MARCHF3: variants seen among roughly 807,000 people sequenced by gnomAD.
MARCHF3 encodes the protein E3 ubiquitin-protein ligase MARCHF3.
A neutral mutation model predicts 24.2 loss-of-function variants in MARCHF3; 13 were observed. The observed-to-expected ratio is 0.54, with a 90% CI of 0.35 to 0.85. The LOEUF is 0.85. Ranked by LOEUF, MARCHF3 falls within the 40% of genes least tolerant of loss-of-function variation. The pLI, the probability that MARCHF3 is intolerant of heterozygous loss-of-function variation, is 0.01. For synonymous variants in MARCHF3, 144 were observed against 137.3 expected (o/e 1.05, Z -0.34); for missense variants, 276 against 325.0 (o/e 0.85, Z 1.16).
At chr5:127,012,637 C>T (rs555788183) in intron 1 of MARCHF3, among the ~76,000 whole-genome samples, 1 of 152,226 alleles carries the variant, frequency 6.6e-6, no homozygotes, top group African/African-American at 2.4e-5. Flanking sequence ...TTAGGTAAAA[C>T]TATGGGCAAA....
At chr5:127,010,117 A>G (rs1752430899) in intron 1 of MARCHF3, among the ~76,000 whole-genome samples, 1 of 152,148 alleles carries the variant, frequency 6.6e-6, no homozygotes, top group Non-Finnish European at 1.5e-5. Context: ...AGTGGGGTTG[A>G]AGCAGAATGG....
At chr5:127,014,197 T>C (rs996794060) in intron 1 of MARCHF3, among the ~76,000 whole-genome samples, 1 of 151,944 alleles carries the variant, frequency 6.6e-6, no homozygotes, top group Non-Finnish European at 1.5e-5. Flanking sequence ...AACAACTCAA[T>C]AGCAAAAAAT....
rs1383087662 is a variant in MARCHF3, at chr5:126,868,209, T to TA, written c.*2423_*2424insT. The TA allele has an allele frequency of 6.6e-6, 1 of 152,182 alleles. No individual in the cohort carries two copies. Among genetic ancestry groups the TA allele is most frequent in the African/African-American group, 2.4e-5 (1 of 41,440 alleles). 9.4% of individuals were successfully genotyped at this position (152,182 alleles called of 1,614,324 possible). A position where few individuals can be genotyped will look rare whatever the true frequency, so the allele number is the denominator to read the frequency against. ...CCCCTTCCTGCAGGAGGTGTAGCCC[T>TA]TTCCATGGGGCAAGGCTTGGAGGGG... On this transcript the variant is annotated 3_prime_UTR_variant, in exon 5 of 5. Coordinates refer to ENST00000308660, the MANE Select transcript of MARCHF3 (RefSeq NM_178450.5).
At chr5:126,976,618 T>C (rs1166369712) in intron 1 of MARCHF3, among the ~76,000 whole-genome samples, 1 of 152,182 alleles carries the variant, frequency 6.6e-6, no homozygotes, top group African/African-American at 2.4e-5. Flanking sequence ...GGGTGGCTGA[T>C]TAGTTGTCTC....
intron 1 of MARCHF3, among the ~76,000 whole-genome samples, chr5:127,023,805 T>G (rs1041048838): frequency 6.6e-6 from 1 of 151,796 alleles, no homozygotes; most frequent in Non-Finnish European, 1.5e-5. Flanking sequence ...AAAGGTTCCC[T>G]CAACAAATGT....
At chr5:126,892,678 G>A (rs1345627455) in intron 3 of MARCHF3, among the ~76,000 whole-genome samples, 1 of 149,882 alleles carries the variant, frequency 6.7e-6, no homozygotes, top group East Asian at 2.0e-4. Context: ...ATGTGCTGCT[G>A]GATTCGTTTT....
chr5:126,950,995 T>G (rs969746762), intron 1 of MARCHF3, among the ~76,000 whole-genome samples: 2 of 152,064 alleles, frequency 1.3e-5, no homozygotes, highest in African/African-American at 2.4e-5. Context: ...TCCCTCCAGT[T>G]TCCTTCTATA....
chr5:126,980,431 C>T (rs145044010), intron 1 of MARCHF3, among the ~76,000 whole-genome samples: 1,664 of 150,246 alleles, frequency 0.011, 27 homozygotes, highest in African/African-American at 0.039. Flanking sequence ...AGTGCAGTGG[C>T]GCAATCTTGG....
chr5:126,903,866 G>T (rs914034456), intron 3 of MARCHF3, among the ~76,000 whole-genome samples: 1 of 151,748 alleles, frequency 6.6e-6, no homozygotes, highest in African/African-American at 2.4e-5. Context: ...ACAATGGGCA[G>T]GTTAGTTACA....
chr5:126,903,485 A>G (rs1456297358), intron 3 of MARCHF3, among the ~76,000 whole-genome samples: 2 of 152,032 alleles, frequency 1.3e-5, no homozygotes, highest in East Asian at 3.8e-4. Flanking sequence ...CATGCCTATA[A>G]ATCTTCTTGA....
chr5:127,013,117 C>T (rs1386648187), intron 1 of MARCHF3, among the ~76,000 whole-genome samples: 1 of 152,154 alleles, frequency 6.6e-6, no homozygotes, highest in East Asian at 1.9e-4. Context: ...TCACAGTGTT[C>T]ACACATGGAA....
chr5:126,933,903 G>A (rs1749556393), intron 1 of MARCHF3, among the ~76,000 whole-genome samples: 1 of 152,158 alleles, frequency 6.6e-6, no homozygotes, highest in Admixed American at 6.6e-5. Context: ...GAGTAAAAAG[G>A]CCATCTAAAG....
chr5:126,998,873 G>C (rs1752031527), intron 1 of MARCHF3, among the ~76,000 whole-genome samples: 2 of 152,274 alleles, frequency 1.3e-5, no homozygotes, highest in South Asian at 4.1e-4. Flanking sequence ...GTTACCTAAA[G>C]AAGCCCCGAA....
chr5:126,964,186 C>T (rs563949497), intron 1 of MARCHF3, among the ~76,000 whole-genome samples: 6 of 152,276 alleles, frequency 3.9e-5, no homozygotes, highest in Admixed American at 1.3e-4. Context: ...TATCCTTGGC[C>T]TGAAGGTGGA....
chr5:126,945,650 T>C (rs1034491587), intron 1 of MARCHF3, among the ~76,000 whole-genome samples: 12 of 152,254 alleles, frequency 7.9e-5, no homozygotes, highest in African/African-American at 2.9e-4. Context: ...CTGAGCACAA[T>C]GGGTGCTACC....
chr5:126,979,221 A>G (rs1751304036), intron 1 of MARCHF3, among the ~76,000 whole-genome samples: 2 of 152,182 alleles, frequency 1.3e-5, no homozygotes, highest in African/African-American at 4.8e-5. Flanking sequence ...TACTTCCTCA[A>G]CCAGACTGCG....
chr5:126,983,262 G>A (rs1751451159), intron 1 of MARCHF3, among the ~76,000 whole-genome samples: 1 of 152,182 alleles, frequency 6.6e-6, no homozygotes, highest in African/African-American at 2.4e-5. Context: ...AGGGACAGAT[G>A]ATCCTTCTTA....
intron 1 of MARCHF3, among the ~76,000 whole-genome samples, chr5:127,023,395 T>C (rs1181444666): frequency 2.6e-5 from 4 of 152,136 alleles, no homozygotes; most frequent in Non-Finnish European, 5.9e-5. Flanking sequence ...TTATAAAAAT[T>C]AGTTTATAAA....
At chr5:126,941,712 G>A (rs564320942) in intron 1 of MARCHF3, among the ~76,000 whole-genome samples, 2 of 152,300 alleles carry the variant, frequency 1.3e-5, no homozygotes, top group East Asian at 1.9e-4. Context: ...ACTGGTGAGA[G>A]CACCATGAAA....
Sources: allele counts gnomAD v4.1 joint callset (sites outside exome capture counted in the v4.1 genomes callset), GRCh38; gene constraint gnomAD v4.1.1; transcripts MANE v1.5; gene names NCBI Gene and HGNC (gene_info 2026-07-23, HGNC 2026-07-21).